The following CSMD3 variants were observed in gnomAD, a reference collection of about 807,000 sequenced individuals.
The protein encoded by CSMD3 is CUB and sushi domain-containing protein 3.
In CSMD3, 177 loss-of-function variants were observed where a neutral mutation model predicts 435.2. The ratio of observed to expected loss-of-function variants is 0.41; its 90% CI spans 0.36 to 0.46. The LOEUF is 0.46. Ranked by LOEUF, CSMD3 falls within the 20% of genes least tolerant of loss-of-function variation. CSMD3 has a pLI of 0.34. For missense variants in CSMD3, 4,265 were observed against 4,504.6 expected, an observed-to-expected ratio of 0.95 and a Z score of 1.52; for synonymous variants, 1,656 against 1,520.5, an observed-to-expected ratio of 1.09 and a Z score of -2.07.
chr8:113,405,725 A>C (rs1389965939), intron 1 of CSMD3, among the ~76,000 whole-genome samples: 1 of 151,768 alleles, frequency 6.6e-6, no homozygotes, highest in Non-Finnish European at 1.5e-5. Flanking sequence ...GCAAATTATA[A>C]GCAAAGGAGA....
intron 28 of CSMD3, among the ~76,000 whole-genome samples, chr8:112,514,399 T>C (rs1048237464): frequency 2.0e-5 from 3 of 152,148 alleles, no homozygotes; most frequent in African/African-American, 7.2e-5. Flanking sequence ...GCATTCAAAA[T>C]ATAAGTCAGG....
chr8:112,364,680 A>G (rs1388965), intron 38 of CSMD3, among the ~76,000 whole-genome samples: 65,542 of 151,732 alleles, frequency 0.43, 14,714 homozygotes, highest in Middle Eastern at 0.54. Flanking sequence ...AAGTGGCAGG[A>G]CAACTGGAAA....
At chr8:112,853,262 G>A (rs562479566) in intron 11 of CSMD3, among the ~76,000 whole-genome samples, 3 of 151,824 alleles carry the variant, frequency 2.0e-5, no homozygotes, top group South Asian at 2.1e-4. Flanking sequence ...GTCTGACTCC[G>A]TTGCCCAGGC....
chr8:113,004,382 T>C (rs1433247294), intron 6 of CSMD3, among the ~76,000 whole-genome samples: 3 of 151,472 alleles, frequency 2.0e-5, no homozygotes, highest in Non-Finnish European at 3.0e-5. Flanking sequence ...CACAGGAAGA[T>C]ACAAGTATTG....
chr8:113,067,641 C>T (rs1357257324), intron 5 of CSMD3, among the ~76,000 whole-genome samples: 1 of 151,958 alleles, frequency 6.6e-6, no homozygotes, highest in African/African-American at 2.4e-5. Context: ...AAATTGGACA[C>T]TAAAATATTT....
At position 112,441,609 on chromosome 8, in the gene CSMD3, G is replaced by T. The variant is rs533827061; in HGVS notation, c.5395+30982C>A. On this transcript the variant is annotated intron_variant, in intron 32 of 70. Coordinates refer to ENST00000297405, the MANE Select transcript of CSMD3 (RefSeq NM_198123.2). ...ACTGGGTAATTTACAAAGGAAAGAG[G>T]CTTAATTGACTCACAGTTCAGCATG... 5.3e-5 allele frequency among the ~76,000 whole-genome samples: 8 copies of T among 152,288 alleles called. No individual in the cohort carries two copies. The East Asian group carries it at 1.5e-3, about 29-fold the overall frequency.
At chr8:112,800,793 G>A (rs1233798420) in intron 12 of CSMD3, among the ~76,000 whole-genome samples, 1 of 152,002 alleles carries the variant, frequency 6.6e-6, no homozygotes, top group Non-Finnish European at 1.5e-5. Flanking sequence ...TGTCACATAT[G>A]TTTTTCTGTA....
intron 13 of CSMD3, among the ~76,000 whole-genome samples, chr8:112,762,694 T>C (rs971494157): frequency 2.0e-5 from 3 of 151,900 alleles, no homozygotes; most frequent in East Asian, 1.9e-4. Flanking sequence ...GTTAATGACA[T>C]AGGAAATTAC....
chr8:112,570,729 T>C (rs1829433837), intron 24 of CSMD3, among the ~76,000 whole-genome samples: 1 of 152,192 alleles, frequency 6.6e-6, no homozygotes, highest in Admixed American at 6.5e-5. Flanking sequence ...GCATCACTAT[T>C]TCTAAAGCCC....
intron 41 of CSMD3, among the ~76,000 whole-genome samples, chr8:112,345,600 G>T (rs1481628106): frequency 2.0e-5 from 3 of 152,046 alleles, no homozygotes; most frequent in African/African-American, 7.2e-5. Context: ...TTAAGAAAAT[G>T]TTGGTTAAAG....
At chr8:113,307,717 A>G (rs2093832554) in intron 2 of CSMD3, among the ~76,000 whole-genome samples, 1 of 152,174 alleles carries the variant, frequency 6.6e-6, no homozygotes, top group Admixed American at 6.5e-5. Flanking sequence ...AATAGACAAA[A>G]TATTTGAACA....
At chr8:112,559,171 T>G (rs1056131810) in intron 24 of CSMD3, among the ~76,000 whole-genome samples, 4 of 151,860 alleles carry the variant, frequency 2.6e-5, no homozygotes, top group African/African-American at 9.7e-5. Context: ...GTGAGAAAAC[T>G]CCAGAGAAAT....
intron 4 of CSMD3, among the ~76,000 whole-genome samples, chr8:113,122,150 T>C (rs1192726206): frequency 1.3e-5 from 2 of 152,158 alleles, no homozygotes; most frequent in Non-Finnish European, 2.9e-5. Context: ...TAGCTAATTG[T>C]CACATACATT....
At chr8:113,378,385 G>T (rs2094398948) in intron 1 of CSMD3, among the ~76,000 whole-genome samples, 1 of 152,138 alleles carries the variant, frequency 6.6e-6, no homozygotes, top group South Asian at 2.1e-4. Context: ...GACATTCCTT[G>T]TTTAGAGATA....
At chr8:112,316,500 T>C (rs1822484345) in intron 47 of CSMD3, among the ~76,000 whole-genome samples, 1 of 151,812 alleles carries the variant, frequency 6.6e-6, no homozygotes, top group Non-Finnish European at 1.5e-5. Context: ...CAATATACTT[T>C]ACTACAATAC....
chr8:113,086,186 T>G (rs2089769499), intron 5 of CSMD3, among the ~76,000 whole-genome samples: 1 of 151,474 alleles, frequency 6.6e-6, no homozygotes, highest in Non-Finnish European at 1.5e-5. Flanking sequence ...GAGGCGGAGC[T>G]TGAAGTGAGC....
At chr8:112,829,182 A>G (rs903943511) in intron 12 of CSMD3, among the ~76,000 whole-genome samples, 1 of 152,176 alleles carries the variant, frequency 6.6e-6, no homozygotes, top group African/African-American at 2.4e-5. Flanking sequence ...TTTGATGTGC[A>G]TAAGGATCAT....
intron 3 of CSMD3, among the ~76,000 whole-genome samples, chr8:113,244,518 G>A (rs2093255300): frequency 6.6e-6 from 1 of 152,076 alleles, no homozygotes; most frequent in Non-Finnish European, 1.5e-5. Flanking sequence ...GTTTCACCAT[G>A]TTAGTCAGGC....
chr8:113,139,808 G>A (rs72685872), intron 4 of CSMD3, among the ~76,000 whole-genome samples: 10,048 of 150,946 alleles, frequency 0.067, 452 homozygotes, highest in Non-Finnish European at 0.095. Context: ...CTACCTATAA[G>A]AATCCCACTT....
Sources: gnomAD v4.1 joint callset for allele counts (sites outside exome capture counted in the v4.1 genomes callset) on GRCh38, gnomAD v4.1.1 for gene constraint, MANE v1.5 for transcripts, NCBI Gene and HGNC (gene_info 2026-07-23, HGNC 2026-07-21) for gene names.